The following GPHN variants were observed in gnomAD, a reference collection of about 807,000 sequenced individuals.
GPHN encodes the protein gephyrin.
Under a neutral mutation model 95.5 loss-of-function variants are expected in GPHN, and 17 were observed. The observed-to-expected ratio is 0.18, with a 90% CI of 0.12 to 0.27. The LOEUF (loss-of-function observed/expected upper bound fraction) is 0.27, where lower values mean the gene tolerates loss of function less well. Among genes scored for constraint, GPHN ranks in the 10% least tolerant of loss-of-function variants. The probability of loss-of-function intolerance (pLI) is 1.00; values close to 1 mark genes in which losing one functional copy is unlikely to be tolerated. For synonymous variants in GPHN, 320 were observed against 322.5 expected, an observed-to-expected ratio of 0.99 and a Z score of 0.08; for missense variants, 660 against 978.1, an observed-to-expected ratio of 0.67 and a Z score of 4.34.
At position 66,895,335 on chromosome 14, in the gene GPHN, A is replaced by G. The variant is rs537149033; in HGVS notation, c.389+15302A>G. Among the ~76,000 whole-genome samples, 4 of 152,286 alleles carry G rather than the reference A, an allele frequency of 2.6e-5. No individual in the cohort carries two copies. The East Asian group carries it at 7.7e-4, about 29-fold the overall frequency. On this transcript the variant is annotated intron_variant, in intron 5 of 22. Coordinates refer to ENST00000478722, the MANE Select transcript of GPHN (RefSeq NM_020806.5). ...AGAACACTTGGACACAGGAAAGGGA[A>G]CGTCACACACCGGGGCCTGTTGTGG... is the stretch of plus-strand genomic sequence containing the variant.
At chr14:66,681,732 A>G (rs1430669559) in intron 2 of GPHN, among the ~76,000 whole-genome samples, 1 of 152,156 alleles carries the variant, frequency 6.6e-6, no homozygotes, top group Non-Finnish European at 1.5e-5. Flanking sequence ...TTTCTAATAC[A>G]TATACTCTAC....
At chr14:66,560,306 A>G (rs2060180554) in intron 1 of GPHN, among the ~76,000 whole-genome samples, 1 of 152,196 alleles carries the variant, frequency 6.6e-6, no homozygotes, top group Non-Finnish European at 1.5e-5. Context: ...TGGGGATGGC[A>G]TTGAATCTGT....
chr14:67,579,101 A>G, the GPHN span: 18 of 1,470,144 alleles, frequency 1.2e-5, no homozygotes, highest in Non-Finnish European at 1.7e-5. Flanking sequence ...AGATGAGCAG[A>G]GCCCATAATA....
At chr14:67,590,085 G>A in the GPHN span, 13 of 1,550,356 alleles carry the variant, frequency 8.4e-6, no homozygotes, top group Non-Finnish European at 1.1e-5. Flanking sequence ...GGGGCTCATG[G>A]GCTTGTTGAT....
the GPHN span, among the ~76,000 whole-genome samples, chr14:67,417,737 A>AT: frequency 6.9e-6 from 1 of 144,824 alleles, no homozygotes; most frequent in Non-Finnish European, 1.5e-5. Context: ...TTTTGTTTGG[A>AT]TTTTTTGTTG....
At chr14:67,057,080 A>G (rs2075613453) in intron 10 of GPHN, among the ~76,000 whole-genome samples, 1 of 152,014 alleles carries the variant, frequency 6.6e-6, no homozygotes, top group Non-Finnish European at 1.5e-5. Flanking sequence ...CCTCCCTGCA[A>G]GCAGAGGGAG....
chr14:66,961,296 T>G (rs538318864), intron 8 of GPHN, among the ~76,000 whole-genome samples: 2 of 152,206 alleles, frequency 1.3e-5, no homozygotes, highest in Admixed American at 6.6e-5. Flanking sequence ...ATTTTCTGCT[T>G]TAGTAGAGTG....
intron 9 of GPHN, among the ~76,000 whole-genome samples, chr14:66,999,274 C>G (rs1389436528): frequency 6.6e-6 from 1 of 150,500 alleles, no homozygotes; most frequent in Admixed American, 6.6e-5. Flanking sequence ...AGATACAAAA[C>G]TTTAATTAAT....
At chr14:66,595,141 G>A (rs552599315) in intron 1 of GPHN, among the ~76,000 whole-genome samples, 2 of 152,260 alleles carry the variant, frequency 1.3e-5, no homozygotes, top group Admixed American at 6.5e-5. Context: ...AAAAAAGACC[G>A]AAGGTAAGTA....
chr14:67,181,192 A>G lies in GPHN; in HGVS notation c.*255A>G, dbSNP rs756718069. 12 of 533,626 alleles carry G rather than the reference A, an allele frequency of 2.2e-5. No homozygotes were observed. The highest frequency in any genetic ancestry group is 6.2e-5 in the South Asian group (3 of 48,346). The allele number at this position is 533,626 out of a possible 1,614,324, so 33.1% of individuals were successfully genotyped here. ...TCTTGCAAATTGCTTTGTGTGTTCA[A>G]TGCTAGGTCTGATAGCGATAGCTTT... On this transcript the variant is annotated 3_prime_UTR_variant, in exon 23 of 23. Transcript: ENST00000478722.
chr14:67,688,278 A>G, the GPHN span, among the ~76,000 whole-genome samples: 1 of 152,212 alleles, frequency 6.6e-6, no homozygotes, highest in Non-Finnish European at 1.5e-5. Flanking sequence ...AACAGCCACA[A>G]CAAAAAGGAA....
chr14:67,470,828 G>C, the GPHN span: 2 of 152,810 alleles, frequency 1.3e-5, no homozygotes, highest in East Asian at 3.9e-4. Context: ...ATGTCTAGTG[G>C]AGAGAGGCCC....
chr14:67,574,239 C>T, the GPHN span: 10 of 1,594,344 alleles, frequency 6.3e-6, no homozygotes, highest in Admixed American at 1.7e-5. The surrounding 1 kb of genome is among the most constrained non-coding windows in gnomAD (Gnocchi z 4.2). Context: ...TCGCCCTCCA[C>T]AGCTCATCTC....
intron 1 of GPHN, among the ~76,000 whole-genome samples, chr14:66,542,561 C>T (rs1270063206): frequency 6.6e-6 from 1 of 152,166 alleles, no homozygotes; most frequent in Non-Finnish European, 1.5e-5. Flanking sequence ...GAATCTATTT[C>T]CTAATGGCTT....
At chr14:67,276,853 T>C in the GPHN span, among the ~76,000 whole-genome samples, 1 of 152,208 alleles carries the variant, frequency 6.6e-6, no homozygotes, top group Non-Finnish European at 1.5e-5. Flanking sequence ...GCATGACTTC[T>C]AATTTTCCCT....
chr14:67,389,010 C>T, the GPHN span, among the ~76,000 whole-genome samples: 2 of 151,722 alleles, frequency 1.3e-5, no homozygotes, highest in African/African-American at 2.4e-5. Flanking sequence ...TTGATAGATT[C>T]CTGCACATAG....
At chr14:67,443,335 G>A in the GPHN span, among the ~76,000 whole-genome samples, 4 of 152,322 alleles carry the variant, frequency 2.6e-5, no homozygotes, top group Non-Finnish European at 4.4e-5. Context: ...AGAAACAAGT[G>A]TAAATTAAGA....
intron 12 of GPHN, among the ~76,000 whole-genome samples, chr14:67,092,768 G>A (rs540249036): frequency 1.3e-5 from 2 of 152,266 alleles, no homozygotes; most frequent in East Asian, 1.9e-4. Context: ...CTGCATTCAC[G>A]TGGGAGTGAA....
chr14:67,600,834 C>T, the GPHN span, among the ~76,000 whole-genome samples: 1 of 152,204 alleles, frequency 6.6e-6, no homozygotes, highest in Non-Finnish European at 1.5e-5. Context: ...CCGCCTCGGC[C>T]TCCCGAAGTG....
Sources: gnomAD v4.1 joint callset for allele counts (sites outside exome capture counted in the v4.1 genomes callset) on GRCh38, gnomAD v4.1.1 for gene constraint, Gnocchi (gnomAD v3.1) non-coding constraint, MANE v1.5 for transcripts, NCBI Gene and HGNC (gene_info 2026-07-23, HGNC 2026-07-21) for gene names.